Variants in PRRX2 observed in about 807,000 individuals in gnomAD.
PRRX2 encodes the protein paired related homeobox 2, also known as paired mesoderm homeobox protein 2.
PRRX2 carries 11 observed loss-of-function variants against 18.0 expected under a neutral mutation model. That is an observed-to-expected ratio of 0.61 (90% CI 0.39 to 1.01). The LOEUF is 1.01. Among genes scored for constraint, PRRX2 ranks in the 50% least tolerant of loss-of-function variants. The pLI, the probability that PRRX2 is intolerant of heterozygous loss-of-function variation, is 0.01. For synonymous variants in PRRX2, 177 were observed against 154.8 expected (o/e 1.14, Z -1.06); for missense variants, 387 against 351.0 (o/e 1.10, Z -0.82).
chr9:129,673,967 G>A (rs1832134106), intron 1 of PRRX2, among the ~76,000 whole-genome samples: 1 of 152,140 alleles, frequency 6.6e-6, no homozygotes, highest in South Asian at 2.1e-4. Context: ...GAGGTGACGT[G>A]GGGCAGGGGG....
chr9:129,705,610 C>T (rs1016240810), intron 1 of PRRX2, among the ~76,000 whole-genome samples: 1 of 151,894 alleles, frequency 6.6e-6, no homozygotes, highest in East Asian at 2.0e-4. Flanking sequence ...CCGCCTCGGC[C>T]TCCCAAAGTG....
intron 1 of PRRX2, among the ~76,000 whole-genome samples, chr9:129,674,651 T>G (rs937590869): frequency 6.6e-6 from 1 of 152,022 alleles, no homozygotes; most frequent in African/African-American, 2.4e-5. Flanking sequence ...TTGCTTGAGA[T>G]TTGACAAGGT....
At chr9:129,706,722 C>G (rs2130927897) in intron 1 of PRRX2, among the ~76,000 whole-genome samples, 1 of 152,154 alleles carries the variant, frequency 6.6e-6, no homozygotes, top group East Asian at 1.9e-4. Flanking sequence ...GGAAGACCAT[C>G]TCAAAAAATA....
chr9:129,697,778 C>T (rs560911865), intron 1 of PRRX2, among the ~76,000 whole-genome samples: 16 of 152,114 alleles, frequency 1.1e-4, no homozygotes, highest in Non-Finnish European at 2.2e-4. Context: ...TGCCCCCCTG[C>T]TAGCGCCCCC....
intron 3 of PRRX2, among the ~76,000 whole-genome samples, 172 bp from the exon 4 acceptor site, chr9:129,722,045 G>T (rs1373215388): frequency 1.3e-5 from 2 of 152,118 alleles, no homozygotes; most frequent in Non-Finnish European, 2.9e-5. Context: ...GAGCTGGGGG[G>T]ACTTCTGACT....
intron 1 of PRRX2, among the ~76,000 whole-genome samples, chr9:129,697,107 C>T (rs1423634427): frequency 1.3e-5 from 2 of 152,202 alleles, no homozygotes; most frequent in African/African-American, 4.8e-5. Flanking sequence ...TGGCCCTTAG[C>T]CTTGGCCTTG....
chr9:129,709,000 A>C (rs1415136769), intron 1 of PRRX2, among the ~76,000 whole-genome samples: 4 of 152,234 alleles, frequency 2.6e-5, no homozygotes, highest in African/African-American at 7.2e-5. Context: ...GCAGATGTGC[A>C]GGAGAGGGAG....
chr9:129,682,314 G>A (rs748047733), intron 1 of PRRX2, among the ~76,000 whole-genome samples: 3 of 127,864 alleles, frequency 2.3e-5, no homozygotes, highest in Non-Finnish European at 3.4e-5. Context: ...TGTCCCCGCC[G>A]CTGCTGCTGT....
chr9:129,668,845 C>G (rs915983947), intron 1 of PRRX2, among the ~76,000 whole-genome samples: 14 of 151,066 alleles, frequency 9.3e-5, no homozygotes, highest in Admixed American at 4.0e-4. Flanking sequence ...GAGGGAGTGC[C>G]CCCATTAGAA....
chr9:129,715,590 C>G lies in PRRX2; in HGVS notation c.260-3641C>G, dbSNP rs1564155501. 6.6e-6 allele frequency among the ~76,000 whole-genome samples: 1 copy of G among 151,846 alleles called. No individual in the cohort carries two copies. The highest frequency in any genetic ancestry group is 1.5e-5 in the Non-Finnish European group (1 of 67,958). ...TGGGCAACAGAGTGAGACCCTGTCT[C>G]AAAAAATAAAAAAGATATTTAGCAG... On this transcript the variant is annotated intron_variant, in intron 1 of 3. Transcript: ENST00000372469. The surrounding 1 kb of genome is among the most constrained non-coding windows in gnomAD (Gnocchi z 4.0).
Position 129,719,211 on chromosome 9 carries a change from C to CA in PRRX2, c.260-20_260-19insA. 1 of 1,535,914 alleles carries CA rather than the reference C, an allele frequency of 6.5e-7. No individual in the cohort carries two copies. The highest frequency in any genetic ancestry group is 2.4e-5 in the East Asian group (1 of 41,692). Reference sequence around the variant, plus strand: ...CCACTGGCCGTCCTGCTGACCATCCCGCCCCCCCAACCTCCGCAGGTGAGT... The same window carrying CA: ...CCACTGGCCGTCCTGCTGACCATCCCAGCCCCCCCAACCTCCGCAGGTGAGT... On this transcript the variant is annotated intron_variant, in intron 1 of 3. Coordinates refer to ENST00000372469, the MANE Select transcript of PRRX2 (RefSeq NM_016307.4).
intron 1 of PRRX2, chr9:129,713,280 G>A (rs1832654857): frequency 6.6e-6 from 1 of 152,308 alleles, no homozygotes; most frequent in Admixed American, 6.5e-5. Flanking sequence ...AAGCAATCAT[G>A]TTAAGGGGAG....
intron 3 of PRRX2, 90 bp downstream of exon 3, chr9:129,720,864 G>A: frequency 1.5e-6 from 2 of 1,351,046 alleles, no homozygotes; most frequent in Non-Finnish European, 1.9e-6. Flanking sequence ...AGGGTCTGGA[G>A]AGAGCTTGAA....
intron 1 of PRRX2, among the ~76,000 whole-genome samples, chr9:129,706,700 C>A (rs952534727): frequency 6.6e-6 from 1 of 152,062 alleles, no homozygotes; most frequent in East Asian, 1.9e-4. Context: ...TGCACTCTAG[C>A]CTGAGTGCAG....
At chr9:129,720,373 A>G (rs192372626) in intron 2 of PRRX2, among the ~76,000 whole-genome samples, 1 of 152,218 alleles carries the variant, frequency 6.6e-6, no homozygotes, top group African/African-American at 2.4e-5. Context: ...TCATTCTCCA[A>G]CACATTCTCC....
rs1450902520 is a variant in PRRX2, at chr9:129,722,170, C to T, written c.627-47C>T. ...GAGGCTGGGGTCGAGCACTGATACCCAGAAGCCAACCGCACCCATGTGACC... is the reference window on the plus strand; with the variant it reads ...GAGGCTGGGGTCGAGCACTGATACCTAGAAGCCAACCGCACCCATGTGACC... On this transcript the variant is annotated intron_variant, in intron 3 of 3. Coordinates refer to ENST00000372469, the MANE Select transcript of PRRX2 (RefSeq NM_016307.4). The T allele has an allele frequency of 3.1e-6, 5 of 1,592,646 alleles. No homozygotes were observed. The Admixed American group carries it at 8.5e-5, about 27-fold the overall frequency.
intron 1 of PRRX2, among the ~76,000 whole-genome samples, chr9:129,694,706 C>T (rs1588168352): frequency 2.0e-5 from 3 of 152,282 alleles, no homozygotes; most frequent in South Asian, 4.1e-4. Context: ...CCTGTTTCTT[C>T]CTCTTGTTAA....
rs1564147271 is a variant in PRRX2 at position 129,684,451 on chromosome 9, CA to C, written c.259+18326del. Among the ~76,000 whole-genome samples, 170 of 144,228 alleles carry C rather than the reference CA, an allele frequency of 1.2e-3. 1 individual carries two copies. Among genetic ancestry groups the C allele is most frequent in the African/African-American group, 3.5e-3 (138 of 38,930 alleles). 94.6% of individuals were successfully genotyped at this position (144,228 alleles called of 152,430 possible). A position where few individuals can be genotyped will look rare whatever the true frequency, so the allele number is the denominator to read the frequency against. ...CAACACACACACACACACACACACA[CA>C]CACACACCCAACAGAAAAGATACCA... is the stretch of plus-strand genomic sequence containing the variant. On this transcript the variant is annotated intron_variant, in intron 1 of 3. Transcript: ENST00000372469.
At chr9:129,677,072 A>AT (rs1832169272) in intron 1 of PRRX2, among the ~76,000 whole-genome samples, 1 of 152,008 alleles carries the variant, frequency 6.6e-6, no homozygotes, top group South Asian at 2.1e-4. Context: ...GATTCTCCTT[A>AT]TTTGCTCATT....
Sources: allele counts gnomAD v4.1 joint callset (sites outside exome capture counted in the v4.1 genomes callset), GRCh38; gene constraint gnomAD v4.1.1; non-coding constraint Gnocchi (gnomAD v3.1); transcripts MANE v1.5; gene names NCBI Gene and HGNC (gene_info 2026-07-23, HGNC 2026-07-21).